ZNF565: variants seen among roughly 807,000 people sequenced by gnomAD.
The protein encoded by ZNF565 is zinc finger protein 565.
Under a neutral mutation model 39.4 loss-of-function variants are expected in ZNF565, and 27 were observed. The ratio of observed to expected loss-of-function variants is 0.69; its 90% CI spans 0.51 to 0.95. The LOEUF (loss-of-function observed/expected upper bound fraction) is 0.95, where lower values mean the gene tolerates loss of function less well. Among genes scored for constraint, ZNF565 ranks in the 40% least tolerant of loss-of-function variants. The pLI is 0.00. For missense variants in ZNF565, 524 were observed against 621.1 expected, an observed-to-expected ratio of 0.84 and a Z score of 1.66; for synonymous variants, 185 against 216.6, an observed-to-expected ratio of 0.85 and a Z score of 1.28.
intron 4 of ZNF565, among the ~76,000 whole-genome samples, chr19:36,185,613 C>G (rs188194453): frequency 2.0e-5 from 3 of 151,990 alleles, no homozygotes; most frequent in African/African-American, 7.2e-5. Flanking sequence ...AGGCCTTTTC[C>G]ATCTCAGATC....
At position 36,182,340 on chromosome 19, in the gene ZNF565, ATGT is replaced by A; in HGVS notation, c.*123_*125del. ...ATTTTCTTTGGGTGTGAGTTTTCTG[ATGT>A]TCTATGATGGAAGTGACAGGTGTTT... On this transcript the variant is annotated 3_prime_UTR_variant, in exon 5 of 5. Transcript: ENST00000304116. 1 of 717,584 alleles carries A rather than the reference ATGT, an allele frequency of 1.4e-6. No homozygotes were observed. Among genetic ancestry groups the A allele is most frequent in the Non-Finnish European group, 2.0e-6 (1 of 489,944 alleles). The allele number at this position is 717,584 out of a possible 1,614,324, so 44.5% of individuals were successfully genotyped here.
intron 1 of ZNF565, among the ~76,000 whole-genome samples, chr19:36,225,982 T>C (rs997411040): frequency 2.0e-5 from 3 of 151,970 alleles, no homozygotes; most frequent in Admixed American, 6.6e-5. Context: ...TTGCCTAGGC[T>C]GGTCTTGAAC....
intron 1 of ZNF565, among the ~76,000 whole-genome samples, chr19:36,240,384 A>G (rs1977777751): frequency 1.3e-5 from 2 of 152,086 alleles, no homozygotes; most frequent in South Asian, 2.1e-4. Context: ...TTGCACCACT[A>G]TATTGCAGCC....
At chr19:36,214,181 G>C (rs1976487241) in intron 1 of ZNF565, among the ~76,000 whole-genome samples, 1 of 151,746 alleles carries the variant, frequency 6.6e-6, no homozygotes, top group Non-Finnish European at 1.5e-5. Context: ...AAGGGATACA[G>C]GAATACACAA....
chr19:36,194,896 T>C (rs781718660), intron 3 of ZNF565, 134 bp downstream of exon 3: 28 of 1,388,970 alleles, frequency 2.0e-5, no homozygotes, highest in Middle Eastern at 1.8e-4. Context: ...CCTCTCTCTA[T>C]GGCTGTAGTT....
intron 1 of ZNF565, among the ~76,000 whole-genome samples, chr19:36,204,570 T>C (rs1344724767): frequency 6.6e-6 from 1 of 152,216 alleles, no homozygotes; most frequent in African/African-American, 2.4e-5. Flanking sequence ...ATTGAGCATA[T>C]GAAATGTGGC....
At chr19:36,232,939 A>G (rs753430004) in intron 1 of ZNF565, among the ~76,000 whole-genome samples, 2 of 152,230 alleles carry the variant, frequency 1.3e-5, no homozygotes, top group Non-Finnish European at 2.9e-5. Context: ...CTGAAGGAAT[A>G]GTTAAAGAAT....
chr19:36,190,977 G>A (rs1020335085), intron 4 of ZNF565, among the ~76,000 whole-genome samples: 7 of 135,380 alleles, frequency 5.2e-5, no homozygotes, highest in Non-Finnish European at 1.1e-4. Flanking sequence ...GGGTGACAGA[G>A]TGAGACTCTG....
intron 1 of ZNF565, among the ~76,000 whole-genome samples, chr19:36,206,070 T>C (rs755206375): frequency 1.4e-4 from 21 of 152,004 alleles, no homozygotes; most frequent in Non-Finnish European, 2.2e-4. Context: ...CAAGCAATTA[T>C]TTTGCCTCAG....
In ZNF565 at chr19:36,183,016, C is replaced by T; in HGVS notation, c.950G>A (p.Arg317Lys). 1 of 1,614,168 alleles carries T rather than the reference C, an allele frequency of 6.2e-7. No homozygotes were observed. Among genetic ancestry groups the T allele is most frequent in the East Asian group, 2.2e-5 (1 of 44,888 alleles). Residue 317 changes from arginine (R) to lysine (K), a missense_variant, in exon 5 of 5, where the codon AGA becomes AAA. Arg to Lys is a conservative substitution (Grantham distance 26). Transcript: ENST00000304116. ...YECKECGKAF[R>K]QHSQLTVHQR... ...GTGTACAGTCAGCTGTGAGTGCTGTCTAAAGGCTTTCCCGCATTCTTTACA... is the reference window on the plus strand; with the variant it reads ...GTGTACAGTCAGCTGTGAGTGCTGTTTAAAGGCTTTCCCGCATTCTTTACA...
At chr19:36,213,658 T>G (rs1976460525) in intron 1 of ZNF565, among the ~76,000 whole-genome samples, 1 of 151,848 alleles carries the variant, frequency 6.6e-6, no homozygotes, top group African/African-American at 2.4e-5. Context: ...AGTGCTGGGA[T>G]TACAGGTGTG....
chr19:36,233,403 G>A (rs1977481639), intron 1 of ZNF565, among the ~76,000 whole-genome samples: 1 of 152,130 alleles, frequency 6.6e-6, no homozygotes, highest in African/African-American at 2.4e-5. Context: ...TCGTCAGGTG[G>A]AAGGACTGAC....
chr19:36,215,296 A>T (rs1976552448), upstream of ZNF565: 1 of 151,814 alleles, frequency 6.6e-6, no homozygotes. Context: ...TGGGTGTAAG[A>T]GCTTCTGGCC....
intron 1 of ZNF565, among the ~76,000 whole-genome samples, chr19:36,204,346 T>C (rs891123809): frequency 2.6e-5 from 4 of 152,176 alleles, no homozygotes; most frequent in African/African-American, 9.6e-5. Context: ...GGAAGTTTAA[T>C]AGGCAGAAAA....
At chr19:36,202,470 G>C (rs1184669872) in intron 1 of ZNF565, among the ~76,000 whole-genome samples, 1 of 152,024 alleles carries the variant, frequency 6.6e-6, no homozygotes, top group East Asian at 1.9e-4. Context: ...CCCAAAAGCA[G>C]AAAGATGGTT....
chr19:36,194,533 A>G (rs1975688406), intron 3 of ZNF565: 1 of 514,642 alleles, frequency 1.9e-6, no homozygotes, highest in Admixed American at 3.4e-5. Flanking sequence ...TCAGTCAGAA[A>G]CTTGTAAGTT....
At chr19:36,196,779 G>C (rs1444651521) in intron 2 of ZNF565, among the ~76,000 whole-genome samples, 1 of 151,390 alleles carries the variant, frequency 6.6e-6, no homozygotes, top group African/African-American at 2.4e-5. Flanking sequence ...TTCAAGACCA[G>C]CCTGCCAGCT....
chr19:36,186,019 T>TG (rs1975285816), intron 4 of ZNF565, among the ~76,000 whole-genome samples: 1 of 151,074 alleles, frequency 6.6e-6, no homozygotes, highest in Non-Finnish European at 1.5e-5. Context: ...ATATTTGACA[T>TG]GGGGTCTTGC....
intron 1 of ZNF565, among the ~76,000 whole-genome samples, chr19:36,213,794 C>T (rs562066852): frequency 6.6e-6 from 1 of 151,798 alleles, no homozygotes; most frequent in African/African-American, 2.4e-5. Flanking sequence ...CCACCACACC[C>T]GGCCCTACAT....
Sources: gnomAD v4.1 joint callset for allele counts (sites outside exome capture counted in the v4.1 genomes callset) on GRCh38, gnomAD v4.1.1 for gene constraint, MANE v1.5 for transcripts, NCBI Gene and HGNC (gene_info 2026-07-23, HGNC 2026-07-21) for gene names.